Variants in PRUNE2 observed in about 807,000 individuals in gnomAD.
PRUNE2 encodes the protein prune homolog 2 with BCH domain, also known as protein prune homolog 2.
A neutral mutation model predicts 252.0 loss-of-function variants in PRUNE2; 164 were observed. The observed-to-expected ratio is 0.65, with a 90% CI of 0.57 to 0.74. The LOEUF is 0.74. Ranked by LOEUF, PRUNE2 falls within the 30% of genes least tolerant of loss-of-function variation. The probability of loss-of-function intolerance (pLI) is 0.00; values close to 1 mark genes in which losing one functional copy is unlikely to be tolerated. For synonymous variants in PRUNE2, 1,292 were observed against 1,350.2 expected (o/e 0.96, Z 0.94); for missense variants, 3,495 against 3,711.0 (o/e 0.94, Z 1.51).
intron 6 of PRUNE2, chr9:76,819,263 A>C (rs2057888668): frequency 6.6e-6 from 1 of 152,154 alleles, no homozygotes. Context: ...AAAATAAATA[A>C]ATAAACTAAG....
At chr9:76,636,392 T>G in intron 15 of PRUNE2, 79 bp downstream of exon 15, 1 of 782,854 alleles carries the variant, frequency 1.3e-6, no homozygotes, top group Non-Finnish European at 2.1e-6. Context: ...AGTTTATGAA[T>G]TCTTGTTTTT....
chr9:76,622,427 A>T (rs11144983), intron 17 of PRUNE2, among the ~76,000 whole-genome samples: 22,905 of 152,152 alleles, frequency 0.15, 1,922 homozygotes, highest in Admixed American at 0.26. Flanking sequence ...AAGAAGCAAG[A>T]TTTCATGGTA....
At chr9:76,825,515 C>T (rs1386748876) in intron 5 of PRUNE2, among the ~76,000 whole-genome samples, 1 of 152,242 alleles carries the variant, frequency 6.6e-6, no homozygotes, top group Non-Finnish European at 1.5e-5. Context: ...GCTCTGCCCC[C>T]TCCTGCCCCT....
At chr9:76,776,518 C>CTTTTT (rs796197139) in intron 6 of PRUNE2, among the ~76,000 whole-genome samples, 1 of 122,850 alleles carries the variant, frequency 8.1e-6, no homozygotes, top group African/African-American at 3.0e-5. Flanking sequence ...TTTCTTTTTT[C>CTTTTT]TTTTTTTTTT....
intron 1 of PRUNE2, among the ~76,000 whole-genome samples, chr9:76,886,356 C>A (rs906767729): frequency 2.6e-5 from 4 of 152,124 alleles, no homozygotes; most frequent in African/African-American, 9.7e-5. Context: ...ATTCCACGAC[C>A]CTTGTTCTTT....
chr9:76,722,363 C>T (rs964909074), intron 6 of PRUNE2, among the ~76,000 whole-genome samples: 2 of 151,904 alleles, frequency 1.3e-5, no homozygotes, highest in Admixed American at 1.3e-4. Context: ...AGCCACCGCG[C>T]CCAGCCTACA....
intron 6 of PRUNE2, chr9:76,737,645 A>G (rs2049194036): frequency 6.6e-6 from 1 of 152,206 alleles, no homozygotes; most frequent in East Asian, 1.9e-4. Context: ...CTCTTTGCAT[A>G]CCCTTTTGTC....
At chr9:76,651,034 G>A (rs1457572425) in intron 11 of PRUNE2, among the ~76,000 whole-genome samples, 1 of 152,014 alleles carries the variant, frequency 6.6e-6, no homozygotes, top group Non-Finnish European at 1.5e-5. Context: ...TCTCTGGGAT[G>A]ACAGGAAATA....
chr9:76,905,732 G>A (rs909556661), intron 1 of PRUNE2, among the ~76,000 whole-genome samples, 196 bp downstream of exon 1: 1 of 152,080 alleles, frequency 6.6e-6, no homozygotes, highest in Non-Finnish European at 1.5e-5. Flanking sequence ...GTCTGGTTGC[G>A]GTGGAGGATT....
At chr9:76,675,762 G>T (rs1484811622) in intron 9 of PRUNE2, among the ~76,000 whole-genome samples, 4 of 125,762 alleles carry the variant, frequency 3.2e-5, no homozygotes, top group Non-Finnish European at 6.8e-5. Flanking sequence ...CATGTCCTTT[G>T]CAGGGACATG....
chr9:76,853,411 T>C (rs1256947608), intron 2 of PRUNE2, among the ~76,000 whole-genome samples: 1 of 152,202 alleles, frequency 6.6e-6, no homozygotes, highest in East Asian at 1.9e-4. Flanking sequence ...TTTTTAGGCT[T>C]TACGTTAATA....
intron 11 of PRUNE2, among the ~76,000 whole-genome samples, chr9:76,650,324 G>A (rs555141810): frequency 6.7e-6 from 1 of 150,156 alleles, no homozygotes; most frequent in African/African-American, 2.4e-5. Context: ...ATATATACAC[G>A]AAAAATATAA....
chr9:76,708,284 G>C lies in PRUNE2; in HGVS notation c.3990C>G (p.Ala1330=), dbSNP rs1300767501. The C allele has an allele frequency of 1.2e-6, 2 of 1,613,706 alleles. No homozygotes were observed. The highest frequency in any genetic ancestry group is 1.7e-6 in the Non-Finnish European group (2 of 1,179,876). Residue 1330 remains alanine, a synonymous_variant, in exon 8 of 19, where the codon GCC becomes GCG. Coordinates refer to ENST00000376718, the MANE Select transcript of PRUNE2 (RefSeq NM_015225.3). ...GGTGCCCCCTGTCAGTGGCTCCCTG[G>C]GCTTCCTTCTCACTTTCACTTTGTC... ...GDGQSESEKE[A]QGATDRGHLD...
intron 6 of PRUNE2, chr9:76,788,422 G>C: frequency 1.3e-6 from 1 of 760,364 alleles, no homozygotes; most frequent in Non-Finnish European, 2.5e-6. Flanking sequence ...ACTTCTTAAG[G>C]TGCACTGTAG....
At chr9:76,844,604 T>C (rs1339740137) in intron 4 of PRUNE2, among the ~76,000 whole-genome samples, 4 of 152,144 alleles carry the variant, frequency 2.6e-5, no homozygotes, top group African/African-American at 9.7e-5. Context: ...CCATCTCCCC[T>C]CCACATACAT....
At chr9:76,870,107 C>T (rs2061097995) in intron 1 of PRUNE2, among the ~76,000 whole-genome samples, 2 of 152,036 alleles carry the variant, frequency 1.3e-5, no homozygotes. Flanking sequence ...TAAAAAAATA[C>T]ATATCCAGAG....
chr9:76,744,218 G>T (rs546270989), intron 6 of PRUNE2, among the ~76,000 whole-genome samples: 2 of 152,194 alleles, frequency 1.3e-5, no homozygotes, highest in Non-Finnish European at 2.9e-5. Context: ...CATTTATTCT[G>T]TTGGCAAATA....
intron 3 of PRUNE2, among the ~76,000 whole-genome samples, chr9:76,847,171 A>T (rs2059712243): frequency 6.6e-6 from 1 of 152,064 alleles, no homozygotes; most frequent in Non-Finnish European, 1.5e-5. Flanking sequence ...CTAAAAATAC[A>T]AAAAATTAGC....
intron 9 of PRUNE2, among the ~76,000 whole-genome samples, chr9:76,676,083 CA>C (rs1173629727): frequency 6.8e-6 from 1 of 147,872 alleles, no homozygotes; most frequent in African/African-American, 2.5e-5. Flanking sequence ...AAACCAAAAA[CA>C]AAAAAAACTA....
Sources: gnomAD v4.1 joint callset for allele counts (sites outside exome capture counted in the v4.1 genomes callset) on GRCh38, gnomAD v4.1.1 for gene constraint, MANE v1.5 for transcripts, NCBI Gene and HGNC (gene_info 2026-07-23, HGNC 2026-07-21) for gene names.